The following OXR1 variants were observed in gnomAD, a reference collection of about 807,000 sequenced individuals.
The protein encoded by OXR1 is oxidation resistance protein 1.
OXR1 carries 41 observed loss-of-function variants against 104.6 expected under a neutral mutation model. The observed-to-expected ratio is 0.39, with a 90% CI of 0.31 to 0.51. The LOEUF (loss-of-function observed/expected upper bound fraction) is 0.51, where lower values mean the gene tolerates loss of function less well. OXR1 is among the 20% of genes least tolerant of loss of function. The pLI is 0.77. For synonymous variants in OXR1, 348 were observed against 348.4 expected, an observed-to-expected ratio of 1.00 and a Z score of 0.01; for missense variants, 955 against 1,031.9, an observed-to-expected ratio of 0.93 and a Z score of 1.02.
chr8:106,748,420 A>G (rs1017965094), intron 16 of OXR1, among the ~76,000 whole-genome samples: 15 of 152,130 alleles, frequency 9.9e-5, no homozygotes, highest in Non-Finnish European at 1.5e-4. Flanking sequence ...TCAGAACGTC[A>G]TCACTGGTTA....
chr8:106,726,781 A>G (rs1833387374), intron 11 of OXR1, among the ~76,000 whole-genome samples: 2 of 152,200 alleles, frequency 1.3e-5, no homozygotes. Flanking sequence ...GTTTTCAGGC[A>G]ATGCTACCTA....
At chr8:106,368,807 G>A (rs1288938487) in intron 2 of OXR1, among the ~76,000 whole-genome samples, 9 of 152,274 alleles carry the variant, frequency 5.9e-5, no homozygotes, top group East Asian at 5.8e-4. Flanking sequence ...GCAGTTGATC[G>A]GCATTTGGGT....
At chr8:106,314,426 G>A (rs1813840861) in intron 1 of OXR1, among the ~76,000 whole-genome samples, 1 of 152,180 alleles carries the variant, frequency 6.6e-6, no homozygotes. Context: ...TAATATGCTT[G>A]AGTCTAAAAT....
intron 2 of OXR1, among the ~76,000 whole-genome samples, chr8:106,365,682 A>T (rs1233631119): frequency 2.0e-5 from 3 of 152,198 alleles, no homozygotes; most frequent in Non-Finnish European, 4.4e-5. Flanking sequence ...CTACATTTTT[A>T]GAATCCGCAA....
intron 3 of OXR1, among the ~76,000 whole-genome samples, chr8:106,615,790 A>C (rs1030702958): frequency 1.3e-5 from 2 of 152,182 alleles, no homozygotes; most frequent in African/African-American, 2.4e-5. Context: ...TTGTGTCATT[A>C]ATTTTCTATA....
At chr8:106,577,669 C>T (rs1817952753) in intron 3 of OXR1, among the ~76,000 whole-genome samples, 1 of 152,064 alleles carries the variant, frequency 6.6e-6, no homozygotes, top group African/African-American at 2.4e-5. Flanking sequence ...GGATTTCAGG[C>T]GTGAGCTACT....
chr8:106,541,439 G>A (rs1377346000), intron 3 of OXR1, among the ~76,000 whole-genome samples: 1 of 152,152 alleles, frequency 6.6e-6, no homozygotes, highest in East Asian at 1.9e-4. Flanking sequence ...CTTCTTAGAA[G>A]CACTGTATTG....
chr8:106,363,372 CTT>C (rs1816328558), intron 2 of OXR1, among the ~76,000 whole-genome samples: 1 of 152,124 alleles, frequency 6.6e-6, no homozygotes, highest in East Asian at 1.9e-4. Flanking sequence ...GATGAAATGA[CTT>C]ATTTTTCAGA....
chr8:106,310,162 A>G (rs1026208623), intron 1 of OXR1, among the ~76,000 whole-genome samples: 1 of 151,260 alleles, frequency 6.6e-6, no homozygotes, highest in South Asian at 2.1e-4. Context: ...ATATTTTATT[A>G]TATGATTACA....
At chr8:106,590,609 G>A (rs1202834311) in intron 3 of OXR1, among the ~76,000 whole-genome samples, 1 of 152,020 alleles carries the variant, frequency 6.6e-6, no homozygotes, top group South Asian at 2.1e-4. Context: ...TTAGTTACTC[G>A]ACATCTTTAA....
intron 3 of OXR1, among the ~76,000 whole-genome samples, chr8:106,600,035 C>G (rs1189645211): frequency 6.6e-6 from 1 of 152,220 alleles, no homozygotes; most frequent in African/African-American, 2.4e-5. Context: ...CACTTGCCCA[C>G]TGCTCATCTT....
intron 3 of OXR1, among the ~76,000 whole-genome samples, chr8:106,595,666 T>A (rs1404368725): frequency 6.6e-6 from 1 of 152,114 alleles, no homozygotes; most frequent in African/African-American, 2.4e-5. Context: ...TGTTTTCTGG[T>A]CACTTTTACC....
At chr8:106,418,506 A>G (rs1818771641) in intron 2 of OXR1, among the ~76,000 whole-genome samples, 1 of 151,662 alleles carries the variant, frequency 6.6e-6, no homozygotes, top group African/African-American at 2.4e-5. Context: ...TAATGATGCT[A>G]AAGCTCCTTC....
chr8:106,495,131 T>C (rs1177339552), intron 2 of OXR1, among the ~76,000 whole-genome samples: 1 of 151,766 alleles, frequency 6.6e-6, no homozygotes, highest in African/African-American at 2.4e-5. Context: ...AGATATATAA[T>C]AGTTATCTAT....
intron 2 of OXR1, among the ~76,000 whole-genome samples, chr8:106,360,213 T>C (rs921575471): frequency 6.6e-6 from 1 of 152,186 alleles, no homozygotes; most frequent in Admixed American, 6.5e-5. Context: ...AGGATATTTT[T>C]CTGACAAAAA....
At chr8:106,349,385 GA>G (rs1258100955) in intron 1 of OXR1, among the ~76,000 whole-genome samples, 1 of 151,836 alleles carries the variant, frequency 6.6e-6, no homozygotes, top group Non-Finnish European at 1.5e-5. Flanking sequence ...TAAAAAATCT[GA>G]AAAAAATAAA....
At chr8:106,684,195 ATTAT>A (rs1563702758) in intron 5 of OXR1, 47 bp from the exon 6 acceptor site, 1 of 889,936 alleles carries the variant, frequency 1.1e-6, no homozygotes, top group East Asian at 2.4e-5. Context: ...ACACCATCTA[ATTAT>A]TAACACTTCA....
intron 4 of OXR1, among the ~76,000 whole-genome samples, chr8:106,680,374 A>C (rs2131218249): frequency 6.6e-6 from 1 of 152,260 alleles, no homozygotes; most frequent in South Asian, 2.1e-4. Context: ...AAAAATTTAG[A>C]TATATACATG....
At chr8:106,469,523 CTATAGAAA>C (rs1052664954) in intron 2 of OXR1, among the ~76,000 whole-genome samples, 3 of 151,754 alleles carry the variant, frequency 2.0e-5, no homozygotes, top group Non-Finnish European at 4.4e-5. Context: ...TCTGCCTCAG[CTATAGAAA>C]TATAAAGGAA....
Sources: gnomAD v4.1 joint callset for allele counts (sites outside exome capture counted in the v4.1 genomes callset) on GRCh38, gnomAD v4.1.1 for gene constraint, MANE v1.5 for transcripts, NCBI Gene and HGNC (gene_info 2026-07-23, HGNC 2026-07-21) for gene names.